Variants in NWD2 observed in about 807,000 individuals in gnomAD.
The protein encoded by NWD2 is NACHT and WD repeat domain containing 2, also known as NACHT and WD repeat domain-containing protein 2.
A neutral mutation model predicts 132.7 loss-of-function variants in NWD2; 37 were observed. That is an observed-to-expected ratio of 0.28 (90% confidence interval 0.21 to 0.37). The LOEUF (loss-of-function observed/expected upper bound fraction) is 0.37, where lower values mean the gene tolerates loss of function less well. Ranked by LOEUF, NWD2 falls within the 10% of genes least tolerant of loss-of-function variation. NWD2 has a pLI of 1.00. For synonymous variants in NWD2, 705 were observed against 803.0 expected (o/e 0.88, Z 2.06); for missense variants, 1,592 against 2,122.4 (o/e 0.75, Z 4.91).
chr4:37,308,029 T>C (rs1718746639), intron 1 of NWD2, among the ~76,000 whole-genome samples: 1 of 152,234 alleles, frequency 6.6e-6, no homozygotes, highest in African/African-American at 2.4e-5. Context: ...GAATCATCTG[T>C]CTGTATTCTC....
chr4:37,270,520 G>A (rs914170633), intron 1 of NWD2, among the ~76,000 whole-genome samples: 17 of 151,566 alleles, frequency 1.1e-4, no homozygotes, highest in African/African-American at 2.4e-5. Flanking sequence ...TGGCTCCCAC[G>A]GAGAGGAATG....
At chr4:37,317,831 T>C (rs1718988081) in intron 1 of NWD2, among the ~76,000 whole-genome samples, 1 of 152,214 alleles carries the variant, frequency 6.6e-6, no homozygotes, top group African/African-American at 2.4e-5. Context: ...GTTAATGCTG[T>C]CAACATAGTC....
intron 3 of NWD2, among the ~76,000 whole-genome samples, chr4:37,360,204 T>G (rs572705698): frequency 7.7e-4 from 118 of 152,346 alleles, no homozygotes; most frequent in African/African-American, 2.8e-3. Context: ...TGATAATATA[T>G]GTATGAGTTC....
At chr4:37,312,304 T>G (rs1215032408) in intron 1 of NWD2, among the ~76,000 whole-genome samples, 1 of 150,954 alleles carries the variant, frequency 6.6e-6, no homozygotes, top group South Asian at 2.1e-4. Context: ...TTTTATTTCC[T>G]TGAGCAGTGG....
chr4:37,439,030 A>G lies in NWD2; in HGVS notation c.936A>G (p.Ser312=), dbSNP rs1360489785. ...RDEFIPTIVA[S]SNLRVYTSVT... Reference sequence around the variant, plus strand: ...AATTTATTCCTACTATTGTTGCATCATCTAATCTGAGAGTGTACACATCTG... The same window carrying G: ...AATTTATTCCTACTATTGTTGCATCGTCTAATCTGAGAGTGTACACATCTG... The change falls in exon 6 of 7, where the codon TCA becomes TCG. Residue 312 remains serine, a synonymous_variant. Coordinates refer to ENST00000309447, the MANE Select transcript of NWD2 (RefSeq NM_001144990.2). This position sits in a 1 kb window ranked among gnomAD's most constrained non-coding sequence, Gnocchi z 4.5. 7.1e-6 allele frequency: 11 copies of G among 1,551,812 alleles called. No individual in the cohort carries two copies. The highest frequency in any genetic ancestry group is 1.7e-4 in the Middle Eastern group (1 of 5,992).
At chr4:37,375,936 T>G (rs558055281) in intron 3 of NWD2, among the ~76,000 whole-genome samples, 1 of 152,332 alleles carries the variant, frequency 6.6e-6, no homozygotes, top group African/African-American at 2.4e-5. Flanking sequence ...TATTTTATCA[T>G]AAAGTATTTT....
At chr4:37,385,948 CAG>C (rs1239177795) in intron 3 of NWD2, among the ~76,000 whole-genome samples, 2 of 152,150 alleles carry the variant, frequency 1.3e-5, no homozygotes, top group African/African-American at 4.8e-5. Flanking sequence ...TTGTCTAAAA[CAG>C]AGTACTATAA....
chr4:37,431,352 C>A (rs1712173734), intron 4 of NWD2, among the ~76,000 whole-genome samples: 1 of 152,138 alleles, frequency 6.6e-6, no homozygotes, highest in African/African-American at 2.4e-5. Flanking sequence ...TAAAAGAAAG[C>A]AATCCTACCA....
At chr4:37,392,426 G>A (rs1158298053) in intron 3 of NWD2, among the ~76,000 whole-genome samples, 2 of 152,028 alleles carry the variant, frequency 1.3e-5, no homozygotes, top group African/African-American at 4.8e-5. Context: ...AATTCTCTGC[G>A]GCGGGGGCTG....
intron 3 of NWD2, among the ~76,000 whole-genome samples, chr4:37,388,627 T>TTATATATCATATATAAATATATATATCA (rs1207557891): frequency 1.3e-4 from 16 of 120,828 alleles, no homozygotes; most frequent in Admixed American, 3.2e-4. Context: ...TATATTTATG[T>TTATATATCATATATAAATATATATATCA]TATATATCAT....
rs746239893 is a variant in NWD2, at chr4:37,445,756, G to T, written c.3768G>T (p.Val1256=). ...IIATMENTSA[V]FFWRRDTGQC... is the part of the protein sequence containing the mutation. ...CCACCATGGAAAATACCTCAGCTGT[G>T]TTTTTTTGGAGGCGGGACACAGGAC... Residue 1256 remains valine (V), a synonymous_variant, in exon 7 of 7, where the codon GTG becomes GTT. Coordinates refer to ENST00000309447, the MANE Select transcript of NWD2 (RefSeq NM_001144990.2). This position sits in a 1 kb window ranked among gnomAD's most constrained non-coding sequence, Gnocchi z 4.7. 6 of 1,551,810 alleles carry T rather than the reference G, an allele frequency of 3.9e-6. No individual in the cohort carries two copies. Among genetic ancestry groups the T allele is most frequent in the Admixed American group, 3.9e-5 (2 of 50,998 alleles).
chr4:37,403,584 C>G (rs539870320), intron 3 of NWD2, among the ~76,000 whole-genome samples: 2 of 152,090 alleles, frequency 1.3e-5, no homozygotes, highest in East Asian at 3.9e-4. Context: ...TTTTCTTTCT[C>G]TCATTCTCAC....
intron 1 of NWD2, among the ~76,000 whole-genome samples, chr4:37,314,025 T>A (rs1190158060): frequency 6.6e-6 from 1 of 152,090 alleles, no homozygotes; most frequent in Non-Finnish European, 1.5e-5. Flanking sequence ...GAATATGTAT[T>A]TGATTTTGTC....
chr4:37,276,971 C>CA (rs1240263260), intron 1 of NWD2, among the ~76,000 whole-genome samples: 3 of 151,904 alleles, frequency 2.0e-5, no homozygotes, highest in African/African-American at 7.3e-5. Context: ...ACATCACACA[C>CA]CGGGGCCTGT....
chr4:37,446,593 T>A lies in NWD2; in HGVS notation c.4605T>A (p.Asn1535Lys). ...KNLEDFEISP[N>K]GKLGIIARGD... ...TGGAGGACTTTGAAATTTCTCCCAATGGAAAGCTAGGCATTATAGCCAGGG... is the reference window on the plus strand; with the variant it reads ...TGGAGGACTTTGAAATTTCTCCCAAAGGAAAGCTAGGCATTATAGCCAGGG... Residue 1535 changes from asparagine (N) to lysine (K), a missense_variant, in exon 7 of 7, where the codon AAT becomes AAA. Asn to Lys is a moderately conservative substitution (Grantham distance 94, BLOSUM62 0). Around this residue, in one of 7 missense-constraint regions of NWD2, gnomAD observed 257 missense variants for 335.0 expected, o/e 0.77. Transcript: ENST00000309447. This position sits in a 1 kb window ranked among gnomAD's most constrained non-coding sequence, Gnocchi z 6.7. The A allele has an allele frequency of 3.9e-6, 6 of 1,551,696 alleles. No homozygotes were observed. Among genetic ancestry groups the A allele is most frequent in the Non-Finnish European group, 5.2e-6 (6 of 1,147,004 alleles).
intron 1 of NWD2, among the ~76,000 whole-genome samples, chr4:37,306,897 G>A (rs1193738583): frequency 6.6e-6 from 1 of 151,968 alleles, no homozygotes; most frequent in Non-Finnish European, 1.5e-5. Flanking sequence ...GGTGGCACAC[G>A]CCTGTATTCA....
intron 3 of NWD2, among the ~76,000 whole-genome samples, chr4:37,422,898 T>A (rs1711865647): frequency 6.6e-6 from 1 of 152,176 alleles, no homozygotes; most frequent in Admixed American, 6.5e-5. Context: ...CATGAATGTA[T>A]CCCTTTGTCA....
chr4:37,410,136 G>T (rs138738412), intron 3 of NWD2, among the ~76,000 whole-genome samples: 3 of 152,196 alleles, frequency 2.0e-5, no homozygotes, highest in African/African-American at 7.2e-5. Flanking sequence ...ATAATGACGG[G>T]ATCAAATTCA....
intron 2 of NWD2, among the ~76,000 whole-genome samples, chr4:37,349,623 T>G (rs1438717184): frequency 1.3e-5 from 2 of 152,276 alleles, no homozygotes; most frequent in African/African-American, 2.4e-5. Context: ...AACTTTCTCC[T>G]ATTCTGTAGG....
Sources: gnomAD v4.1 joint callset for allele counts (sites outside exome capture counted in the v4.1 genomes callset) on GRCh38, gnomAD v4.1.1 for gene constraint, gnomAD v4.1.1 regional missense constraint, Gnocchi (gnomAD v3.1) non-coding constraint, MANE v1.5 for transcripts, NCBI Gene and HGNC (gene_info 2026-07-23, HGNC 2026-07-21) for gene names.